MAP3K9: variants seen among roughly 807,000 people sequenced by gnomAD.
MAP3K9 encodes mitogen-activated protein kinase kinase kinase 9.
In MAP3K9, 46 loss-of-function variants were observed where a neutral mutation model predicts 95.8. The observed-to-expected ratio is 0.48, with a 90% CI of 0.38 to 0.61. MAP3K9 has a LOEUF of 0.61. MAP3K9 is among the 20% of genes least tolerant of loss of function. The pLI, the probability that MAP3K9 is intolerant of heterozygous loss-of-function variation, is 0.00. For missense variants in MAP3K9, 1,296 were observed against 1,474.3 expected (o/e 0.88, Z 1.98); for synonymous variants, 533 against 593.8 (o/e 0.90, Z 1.49).
chr14:70,777,692 A>G (rs137925126), intron 2 of MAP3K9, among the ~76,000 whole-genome samples: 43 of 152,340 alleles, frequency 2.8e-4, no homozygotes, highest in African/African-American at 1.0e-3. Context: ...CTCTTAAGAC[A>G]CTAGATCCTT....
intron 2 of MAP3K9, among the ~76,000 whole-genome samples, chr14:70,763,681 C>T (rs2054406051): frequency 1.3e-5 from 2 of 151,872 alleles, no homozygotes; most frequent in Admixed American, 6.6e-5. Flanking sequence ...TAGGTATGTG[C>T]CACCACACCC....
chr14:70,750,234 T>C (rs917841696), intron 3 of MAP3K9, among the ~76,000 whole-genome samples, 153 bp from the exon 4 acceptor site: 6 of 152,332 alleles, frequency 3.9e-5, no homozygotes, highest in Non-Finnish European at 7.3e-5. Flanking sequence ...AGGGAAACCA[T>C]AAAGCCTACT....
At chr14:70,752,953 G>C (rs980395065) in intron 3 of MAP3K9, 4 of 152,322 alleles carry the variant, frequency 2.6e-5, no homozygotes, top group East Asian at 3.9e-4. Flanking sequence ...TTGTTTCTTT[G>C]TTTGTCTGCA....
chr14:70,726,515 C>A lies in MAP3K9; in HGVS notation c.*3865G>T, dbSNP rs1241882788. On this transcript the variant is annotated 3_prime_UTR_variant, in exon 12 of 12. Transcript: ENST00000554752. ...TTCCTTCTCTGTAAGACACAACCTC[C>A]CTCTCCCATTTCCTTCTCTGTAAGA... The A allele has an allele frequency of 6.6e-6, 1 of 152,246 alleles. No homozygotes were observed. Among genetic ancestry groups the A allele is most frequent in the Non-Finnish European group, 1.5e-5 (1 of 68,056 alleles). The allele number at this position is 152,246 out of a possible 1,614,324, so 9.4% of individuals were successfully genotyped here.
chr14:70,737,730 T>C (rs2054004564), intron 8 of MAP3K9, among the ~76,000 whole-genome samples: 1 of 152,208 alleles, frequency 6.6e-6, no homozygotes, highest in Non-Finnish European at 1.5e-5. Flanking sequence ...CTCTTTCTTC[T>C]CTTTCCTCTG....
chr14:70,754,727 T>TC (rs1389851548), intron 3 of MAP3K9, among the ~76,000 whole-genome samples: 1 of 152,120 alleles, frequency 6.6e-6, no homozygotes, highest in Non-Finnish European at 1.5e-5. Context: ...CGCCTCAGCC[T>TC]CCCAAAGTGC....
chr14:70,755,921 C>T (rs1566743913), intron 3 of MAP3K9, among the ~76,000 whole-genome samples: 1 of 152,232 alleles, frequency 6.6e-6, no homozygotes, highest in Non-Finnish European at 1.5e-5. Context: ...CAAGACACAT[C>T]ATCCAAAGTG....
At chr14:70,791,643 T>G (rs2054808522) in intron 2 of MAP3K9, among the ~76,000 whole-genome samples, 1 of 152,188 alleles carries the variant, frequency 6.6e-6, no homozygotes, top group African/African-American at 2.4e-5. Flanking sequence ...CCACCTTCCC[T>G]TTCCACTTTG....
chr14:70,770,142 G>A (rs2054511024), intron 2 of MAP3K9, among the ~76,000 whole-genome samples: 1 of 152,104 alleles, frequency 6.6e-6, no homozygotes, highest in South Asian at 2.1e-4. Flanking sequence ...GGTGGTAGGG[G>A]TCAAGGTAAT....
At chr14:70,766,921 A>G (rs964956448) in intron 2 of MAP3K9, among the ~76,000 whole-genome samples, 1 of 152,166 alleles carries the variant, frequency 6.6e-6, no homozygotes, top group African/African-American at 2.4e-5. Context: ...ATAATCTAAC[A>G]CTATATGCAC....
rs2053843756 is a variant in MAP3K9, at chr14:70,728,113, C to CTTTTCTT, written c.*2266_*2267insAAGAAAA. On this transcript the variant is annotated 3_prime_UTR_variant, in exon 12 of 12. Transcript: ENST00000554752. ...CGGGGGAAGGAGGCCACAGAACAGACTTTTTTTTTTTTTTTTTTTTTTTTT... is the reference window on the plus strand; with the variant it reads ...CGGGGGAAGGAGGCCACAGAACAGACTTTTCTTTTTTTTTTTTTTTTTTTTTTTTTTT... 1 of 63,006 alleles carries CTTTTCTT rather than the reference C, an allele frequency of 1.6e-5. No homozygotes were observed. Among genetic ancestry groups the CTTTTCTT allele is most frequent in the Non-Finnish European group, 3.0e-5 (1 of 33,678 alleles). 3.9% of individuals were successfully genotyped at this position (63,006 alleles called of 1,614,324 possible). A position where few individuals can be genotyped will look rare whatever the true frequency, so the allele number is the denominator to read the frequency against.
chr14:70,735,148 G>A (rs2053966654), intron 9 of MAP3K9, among the ~76,000 whole-genome samples: 1 of 152,168 alleles, frequency 6.6e-6, no homozygotes, highest in East Asian at 1.9e-4. Flanking sequence ...AGAGACAGAG[G>A]ACAGGAGCTC....
In MAP3K9 at chr14:70,789,553, C is replaced by T. The variant is rs72721938; in HGVS notation, c.820+11114G>A. Among the ~76,000 whole-genome samples, 282 of 152,290 alleles carry T rather than the reference C, an allele frequency of 1.9e-3. 3 individuals carry two copies. The highest frequency in any genetic ancestry group is 3.1e-3 in the Non-Finnish European group (212 of 68,030). On this transcript the variant is annotated intron_variant, in intron 2 of 11. Coordinates refer to ENST00000554752, the MANE Select transcript of MAP3K9 (RefSeq NM_001284230.2). ...TCATTTCTGTGTTGTTCATATTTTA[C>T]GGATGAGATTTCCTGTGACTCCAAG...
chr14:70,738,918 A>G (rs1260874316), intron 7 of MAP3K9, among the ~76,000 whole-genome samples: 1 of 152,200 alleles, frequency 6.6e-6, no homozygotes, highest in Non-Finnish European at 1.5e-5. Flanking sequence ...TTTTTCTGAC[A>G]TTAATACCTT....
intron 2 of MAP3K9, among the ~76,000 whole-genome samples, chr14:70,781,130 A>C (rs2054670211): frequency 6.6e-6 from 1 of 152,232 alleles, no homozygotes; most frequent in Non-Finnish European, 1.5e-5. Context: ...CTTGAGACTC[A>C]CTTTAACAGA....
intron 2 of MAP3K9, among the ~76,000 whole-genome samples, chr14:70,772,605 T>C (rs1209376046): frequency 6.6e-6 from 1 of 152,194 alleles, no homozygotes; most frequent in Non-Finnish European, 1.5e-5. Context: ...CTGGCCATAT[T>C]GGAGTCCCCT....
chr14:70,738,411 A>G lies in MAP3K9; in HGVS notation c.1691-13T>C, dbSNP rs544468734. ...TCACCTGGTGTCACTGTGAATCACA[A>G]GGGTTGGATAGGATCTAGAAAATGG... On this transcript the variant is annotated splice_polypyrimidine_tract_variant and intron_variant, in intron 7 of 11. Coordinates refer to ENST00000554752, the MANE Select transcript of MAP3K9 (RefSeq NM_001284230.2). 5.0e-6 allele frequency: 8 copies of G among 1,612,776 alleles called. No individual in the cohort carries two copies. The highest frequency in any genetic ancestry group is 1.3e-5 in the African/African-American group (1 of 74,980).
At chr14:70,742,707 G>A (rs1043818747) in intron 5 of MAP3K9, 116 bp from the exon 6 acceptor site, 19 of 1,194,750 alleles carry the variant, frequency 1.6e-5, no homozygotes, top group Non-Finnish European at 2.1e-5. Context: ...GCTCTCCTAT[G>A]ATGCTCAGTG....
At chr14:70,786,193 A>G (rs553801615) in intron 2 of MAP3K9, among the ~76,000 whole-genome samples, 1 of 152,304 alleles carries the variant, frequency 6.6e-6, no homozygotes, top group Non-Finnish European at 1.5e-5. Flanking sequence ...GCTGCTGTGC[A>G]TTTGGGCAAA....
Sources: allele counts gnomAD v4.1 joint callset (sites outside exome capture counted in the v4.1 genomes callset), GRCh38; gene constraint gnomAD v4.1.1; transcripts MANE v1.5; gene names NCBI Gene and HGNC (gene_info 2026-07-23, HGNC 2026-07-21).